Variants in MRTFA observed in about 807,000 individuals in gnomAD.
The protein encoded by MRTFA is myocardin-related transcription factor A.
A neutral mutation model predicts 83.5 loss-of-function variants in MRTFA; 20 were observed. The observed-to-expected ratio is 0.24, with a 90% CI of 0.17 to 0.35. The LOEUF is 0.35. Among genes scored for constraint, MRTFA ranks in the 10% least tolerant of loss-of-function variants. The probability of loss-of-function intolerance (pLI) is 1.00; values close to 1 mark genes in which losing one functional copy is unlikely to be tolerated. For missense variants in MRTFA, 1,200 were observed against 1,224.7 expected (o/e 0.98, Z 0.30); for synonymous variants, 659 against 541.2 (o/e 1.22, Z -3.02).
intron 3 of MRTFA, among the ~76,000 whole-genome samples, chr22:40,525,392 G>C (rs1167633028): frequency 6.6e-6 from 1 of 152,006 alleles, no homozygotes; most frequent in Non-Finnish European, 1.5e-5. Flanking sequence ...TCCTGGGTTA[G>C]ACAGGAAGCT....
chr22:40,508,145 A>T (rs2054610410), intron 3 of MRTFA, among the ~76,000 whole-genome samples: 2 of 152,134 alleles, frequency 1.3e-5, no homozygotes, highest in African/African-American at 4.8e-5. Flanking sequence ...TGATTAAGTA[A>T]ACAACAAAAA....
intron 3 of MRTFA, among the ~76,000 whole-genome samples, chr22:40,537,009 A>AG (rs2055191867): frequency 4.0e-5 from 2 of 50,384 alleles, no homozygotes; most frequent in African/African-American, 1.0e-4. Flanking sequence ...TCCGGGAGGG[A>AG]GGTGGGGGGG....
intron 3 of MRTFA, among the ~76,000 whole-genome samples, chr22:40,512,073 G>C (rs2054677447): frequency 6.6e-6 from 1 of 152,160 alleles, no homozygotes; most frequent in African/African-American, 2.4e-5. Flanking sequence ...TGACTAGTAG[G>C]TCACTATGAA....
Position 40,558,247 on chromosome 22 carries a change from C to CT in MRTFA, c.-21-5881dup, listed in dbSNP as rs34991397. On this transcript the variant is annotated intron_variant, in intron 2 of 14. Coordinates refer to ENST00000355630, the MANE Select transcript of MRTFA (RefSeq NM_020831.6). ...ACTACAGGCACACCATCATGCCTGG[C>CT]TTTTTTTTTTTTTTTTTTTTTTTTT... 3.8e-3 allele frequency among the ~76,000 whole-genome samples: 175 copies of CT among 45,522 alleles called. 24 individuals are homozygous for CT. Among genetic ancestry groups the CT allele is most frequent in the African/African-American group, 7.7e-3 (74 of 9,552 alleles). 29.9% of individuals were successfully genotyped at this position (45,522 alleles called of 152,430 possible).
At chr22:40,468,660 T>C (rs2053850393) in intron 3 of MRTFA, among the ~76,000 whole-genome samples, 1 of 152,222 alleles carries the variant, frequency 6.6e-6, no homozygotes, top group Middle Eastern at 3.2e-3. Context: ...AACAAACTTG[T>C]TGATGAGTAA....
At chr22:40,432,220 T>C (rs2053082108) in intron 5 of MRTFA, among the ~76,000 whole-genome samples, 1 of 152,008 alleles carries the variant, frequency 6.6e-6, no homozygotes, top group African/African-American at 2.4e-5. Context: ...CACTCCAGCC[T>C]GGGCAACAAG....
chr22:40,535,169 C>A (rs751241843), intron 3 of MRTFA, among the ~76,000 whole-genome samples: 1 of 152,082 alleles, frequency 6.6e-6, no homozygotes, highest in Non-Finnish European at 1.5e-5. Context: ...CTGGCCCCTT[C>A]TGGCAACCAA....
At chr22:40,578,351 T>C (rs2055898494) in intron 2 of MRTFA, among the ~76,000 whole-genome samples, 1 of 152,038 alleles carries the variant, frequency 6.6e-6, no homozygotes, top group Admixed American at 6.6e-5. Flanking sequence ...GAAAACTCAA[T>C]CTAAAATATA....
intron 1 of MRTFA, among the ~76,000 whole-genome samples, chr22:40,607,472 C>A (rs2056331597): frequency 6.6e-6 from 1 of 151,156 alleles, no homozygotes; most frequent in African/African-American, 2.4e-5. Flanking sequence ...CCACTGCACT[C>A]CAGCCTGGGC....
Position 40,535,355 on chromosome 22 carries a change from T to C in MRTFA, c.241+16751A>G, listed in dbSNP as rs898654665. 2.9e-5 allele frequency among the ~76,000 whole-genome samples: 4 copies of C among 138,312 alleles called. No individual in the cohort carries two copies. In the South Asian group the frequency reaches 6.8e-4, roughly 23 times the overall value. The allele number at this position is 138,312 out of a possible 152,430, so 90.7% of individuals were successfully genotyped here. ...CTGTGTGAGAGGTTTTTTCTTTTTT[T>C]TTTTTTTTTTCTTTTTGAGACTAGG... On this transcript the variant is annotated intron_variant, in intron 3 of 14. Coordinates refer to ENST00000355630, the MANE Select transcript of MRTFA (RefSeq NM_020831.6).
intron 4 of MRTFA, among the ~76,000 whole-genome samples, chr22:40,440,219 A>G (rs901055886): frequency 1.3e-5 from 2 of 152,024 alleles, no homozygotes; most frequent in Admixed American, 6.6e-5. Flanking sequence ...TTCATTTTAT[A>G]GTAATAATAA....
chr22:40,511,062 A>C (rs147053332), intron 3 of MRTFA, among the ~76,000 whole-genome samples: 1 of 152,170 alleles, frequency 6.6e-6, no homozygotes, highest in South Asian at 2.1e-4. Flanking sequence ...AAAGAAAATG[A>C]TTAGAATTGG....
chr22:40,518,575 C>CA (rs1369219279), intron 3 of MRTFA, among the ~76,000 whole-genome samples: 1 of 151,894 alleles, frequency 6.6e-6, no homozygotes, highest in Non-Finnish European at 1.5e-5. Flanking sequence ...GGGCGGATCA[C>CA]AAAGTCAGAA....
chr22:40,489,961 G>T (rs2054244001), intron 3 of MRTFA, among the ~76,000 whole-genome samples: 1 of 103,030 alleles, frequency 9.7e-6, no homozygotes, highest in Admixed American at 1.3e-4. Flanking sequence ...GACAAAGCAT[G>T]ACTCTGTCGC....
intron 4 of MRTFA, among the ~76,000 whole-genome samples, chr22:40,457,865 C>G (rs1188117559): frequency 6.6e-6 from 1 of 152,168 alleles, no homozygotes; most frequent in East Asian, 1.9e-4. Context: ...AGAAAGAATA[C>G]AGGAGGAGAC....
chr22:40,621,695 G>A (rs2056524901), intron 1 of MRTFA, among the ~76,000 whole-genome samples: 1 of 152,114 alleles, frequency 6.6e-6, no homozygotes, highest in South Asian at 2.1e-4. Flanking sequence ...AAAAAGGAAG[G>A]ATAACTATGA....
At chr22:40,411,991 AC>A in intron 14 of MRTFA, 84 bp from the exon 15 acceptor site, 1 of 1,166,358 alleles carries the variant, frequency 8.6e-7, no homozygotes, top group Non-Finnish European at 1.1e-6. Flanking sequence ...GGACCCCCCA[AC>A]GTCACACCAT....
At chr22:40,452,121 C>T (rs553968873) in intron 4 of MRTFA, among the ~76,000 whole-genome samples, 14 of 151,622 alleles carry the variant, frequency 9.2e-5, no homozygotes, top group Non-Finnish European at 1.9e-4. Flanking sequence ...GTAGCTGGGA[C>T]GACAGGCGCG....
intron 3 of MRTFA, among the ~76,000 whole-genome samples, chr22:40,524,922 C>T (rs979750217): frequency 5.3e-5 from 8 of 152,204 alleles, no homozygotes; most frequent in African/African-American, 9.7e-5. Flanking sequence ...ATTCTCCTGC[C>T]TCGGCCTCCC....
Sources: allele counts gnomAD v4.1 joint callset (sites outside exome capture counted in the v4.1 genomes callset), GRCh38; gene constraint gnomAD v4.1.1; transcripts MANE v1.5; gene names NCBI Gene and HGNC (gene_info 2026-07-23, HGNC 2026-07-21).